ZCCHC4: variants seen among roughly 807,000 people sequenced by gnomAD.
The protein encoded by ZCCHC4 is rRNA N(6)-adenosine-methyltransferase ZCCHC4.
ZCCHC4 carries 54 observed loss-of-function variants against 67.7 expected under a neutral mutation model. The ratio of observed to expected loss-of-function variants is 0.80; its 90% CI spans 0.64 to 1.00. ZCCHC4 has a LOEUF of 1.00. Among genes scored for constraint, ZCCHC4 ranks in the 50% least tolerant of loss-of-function variants. The probability of loss-of-function intolerance (pLI) is 0.00; values close to 1 mark genes in which losing one functional copy is unlikely to be tolerated. For synonymous variants in ZCCHC4, 198 were observed against 213.5 expected (o/e 0.93, Z 0.63); for missense variants, 609 against 617.0 (o/e 0.99, Z 0.14).
At position 25,352,376 on chromosome 4, in the gene ZCCHC4, C is replaced by T. The variant is rs1033881293; in HGVS notation, c.1011+687C>T. 27 of 985,278 alleles carry T rather than the reference C, an allele frequency of 2.7e-5. No homozygotes were observed. The African/African-American group carries it at 4.0e-4, about 15-fold the overall frequency. The allele number at this position is 985,278 out of a possible 1,614,324, so 61.0% of individuals were successfully genotyped here. Reference sequence around the variant, plus strand: ...TTGTGTTTGAAGTTAACCCTGTTGTCGCCATCACTGTTTATGGTCTTCAGG... The same window carrying T: ...TTGTGTTTGAAGTTAACCCTGTTGTTGCCATCACTGTTTATGGTCTTCAGG... On this transcript the variant is annotated intron_variant, in intron 8 of 12. Coordinates refer to ENST00000302874, the MANE Select transcript of ZCCHC4 (RefSeq NM_024936.3).
intron 3 of ZCCHC4, among the ~76,000 whole-genome samples, chr4:25,332,538 A>T (rs1256199750): frequency 6.6e-6 from 1 of 152,094 alleles, no homozygotes; most frequent in Non-Finnish European, 1.5e-5. Flanking sequence ...TAATAAAATT[A>T]AAAAAGAAAG....
intron 10 of ZCCHC4, among the ~76,000 whole-genome samples, chr4:25,363,622 A>G (rs1720837584): frequency 1.3e-5 from 2 of 152,262 alleles, no homozygotes; most frequent in Admixed American, 6.5e-5. Flanking sequence ...TCTTGATTAT[A>G]TAATGGTATT....
In ZCCHC4 at chr4:25,312,779, G is replaced by C. The variant is rs1283999433; in HGVS notation, c.-31G>C. ...CGCTCTTTCTCAGCATTCTTGTTTCGTACTGAGGCTTTCGGGACGGCGGCG... is the reference window on the plus strand; with the variant it reads ...CGCTCTTTCTCAGCATTCTTGTTTCCTACTGAGGCTTTCGGGACGGCGGCG... On this transcript the variant is annotated 5_prime_UTR_variant, in exon 1 of 13. Transcript: ENST00000302874. 2 of 1,612,508 alleles carry C rather than the reference G, an allele frequency of 1.2e-6. No homozygotes were observed. The highest frequency in any genetic ancestry group is 1.7e-5 in the Admixed American group (1 of 60,012).
At position 25,369,052 on chromosome 4, in the gene ZCCHC4, G is replaced by A. The variant is rs777822901; in HGVS notation, c.1430G>A (p.Arg477Lys). Residue 477 changes from arginine (R) to lysine (K), a missense_variant, in exon 13 of 13, where the codon AGA becomes AAA. By Grantham distance (26) the Arg-to-Lys change is conservative (BLOSUM62 2). Transcript: ENST00000302874. ...ANKAVRKQKQRKSNKMKMETT... is the reference protein window; with the variant it reads ...ANKAVRKQKQKKSNKMKMETT... The stretch of plus-strand genomic sequence containing the variant: ...AGAGCTGTCAGAAAGCAGAAGCAAA[G>A]AAAAAGTAATAAGATGAAAATGGAG... The A allele has an allele frequency of 4.3e-6, 7 of 1,611,160 alleles. No homozygotes were observed. Among genetic ancestry groups the A allele is most frequent in the Non-Finnish European group, 5.9e-6 (7 of 1,179,310 alleles).
intron 12 of ZCCHC4, 196 bp downstream of exon 12, chr4:25,365,362 T>G: frequency 7.2e-7 from 1 of 1,382,080 alleles, no homozygotes; most frequent in Non-Finnish European, 9.3e-7. Flanking sequence ...GAGCTTACAG[T>G]TCTACAGCTT....
intron 5 of ZCCHC4, among the ~76,000 whole-genome samples, chr4:25,336,005 C>T (rs1719440015): frequency 2.6e-5 from 4 of 151,998 alleles, no homozygotes; most frequent in South Asian, 2.1e-4. Flanking sequence ...AAGATAAACT[C>T]GATTTATTTT....
intron 5 of ZCCHC4, among the ~76,000 whole-genome samples, chr4:25,336,286 G>A (rs1719453719): frequency 6.6e-6 from 1 of 152,114 alleles, no homozygotes; most frequent in African/African-American, 2.4e-5. Context: ...TGTTTTCAAG[G>A]CTCACCCATG....
intron 5 of ZCCHC4, among the ~76,000 whole-genome samples, chr4:25,342,365 G>A (rs1044315503): frequency 6.6e-5 from 10 of 152,156 alleles, no homozygotes; most frequent in Admixed American, 2.6e-4. Context: ...TCCAAGGTTG[G>A]AGAACAGCCT....
intron 3 of ZCCHC4, among the ~76,000 whole-genome samples, chr4:25,324,014 G>GTTTTTGTTTTTTTT (rs1718723948): frequency 1.2e-5 from 1 of 82,448 alleles, no homozygotes; most frequent in Non-Finnish European, 2.1e-5. Flanking sequence ...TGTTTTTTGT[G>GTTTTTGTTTTTTTT]TTTTTTTTTT....
At chr4:25,346,400 C>G (rs1296950674) in intron 6 of ZCCHC4, among the ~76,000 whole-genome samples, 1 of 152,040 alleles carries the variant, frequency 6.6e-6, no homozygotes, top group Non-Finnish European at 1.5e-5. Flanking sequence ...TCACGCTGGC[C>G]AAAAATATTG....
Position 25,365,212 on chromosome 4 carries a change from A to T in ZCCHC4, c.1406+46A>T, listed in dbSNP as rs1377160832. The T allele has an allele frequency of 2.5e-6, 4 of 1,606,188 alleles. No individual in the cohort carries two copies. The East Asian group carries it at 6.7e-5, about 27-fold the overall frequency. On this transcript the variant is annotated intron_variant, in intron 12 of 12. Transcript: ENST00000302874. ...GAAAAATGTATTCCATCTGTGTTTTATACAGGATAATCCACAAAAGCATGC... is the reference window on the plus strand; with the variant it reads ...GAAAAATGTATTCCATCTGTGTTTTTTACAGGATAATCCACAAAAGCATGC...
chr4:25,319,117 C>G (rs1465306188), intron 3 of ZCCHC4, among the ~76,000 whole-genome samples: 1 of 152,214 alleles, frequency 6.6e-6, no homozygotes. Flanking sequence ...GGTGCGGTGG[C>G]TCACGCCTGT....
At chr4:25,316,726 T>C (rs10025025) in intron 3 of ZCCHC4, among the ~76,000 whole-genome samples, 66,783 of 152,046 alleles carry the variant, frequency 0.44, 16,513 homozygotes, top group Non-Finnish European at 0.56. Flanking sequence ...CTTTGCCAAA[T>C]ATATGATTTG....
At chr4:25,323,074 G>A (rs914094467) in intron 3 of ZCCHC4, among the ~76,000 whole-genome samples, 11 of 152,230 alleles carry the variant, frequency 7.2e-5, no homozygotes, top group Admixed American at 2.6e-4. Flanking sequence ...GATTAATCAC[G>A]TGTTCAGGTA....
chr4:25,336,944 A>G (rs7682435), intron 5 of ZCCHC4, among the ~76,000 whole-genome samples: 65,352 of 152,120 alleles, frequency 0.43, 16,179 homozygotes, highest in Non-Finnish European at 0.56. Flanking sequence ...ATCACAGTTT[A>G]TAAGTGGCCA....
intron 1 of ZCCHC4, 62 bp downstream of exon 1, chr4:25,312,998 G>A (rs557250671): frequency 1.3e-6 from 2 of 1,587,078 alleles, no homozygotes; most frequent in African/African-American, 1.3e-5. Context: ...TGGCTTGGAA[G>A]TGGCTTTTGG....
At chr4:25,358,429 C>A (rs1030604754) in intron 8 of ZCCHC4, among the ~76,000 whole-genome samples, 3 of 152,082 alleles carry the variant, frequency 2.0e-5, no homozygotes, top group African/African-American at 7.2e-5. Context: ...TTTTTTAATG[C>A]CAAAAGCTAA....
At position 25,315,377 on chromosome 4, in the gene ZCCHC4, G is replaced by C. The variant is rs757043103; in HGVS notation, c.306G>C (p.Leu102=). ...EAHNRRCQPP[L]SRTQCVERYL... is the part of the protein sequence containing the mutation. ...ATAACCGAAGATGTCAGCCTCCCCT[G>C]TCCCGAACGCAGTGTGTGGAAAGGT... Residue 102 remains leucine (L), a synonymous_variant, in exon 3 of 13, where the codon CTG becomes CTC. Transcript: ENST00000302874. 1.2e-6 allele frequency: 2 copies of C among 1,612,812 alleles called. No homozygotes were observed. The highest frequency in any genetic ancestry group is 1.7e-6 in the Non-Finnish European group (2 of 1,179,310).
At position 25,333,464 on chromosome 4, in the gene ZCCHC4, T is replaced by C; in HGVS notation, c.605+6T>C. Reference sequence around the variant, plus strand: ...CTGTGTGTTGGAACACCAAGGTATGTCATGTGATTTTTTAAAGAATTATCT... The same window carrying C: ...CTGTGTGTTGGAACACCAAGGTATGCCATGTGATTTTTTAAAGAATTATCT... On this transcript the variant is annotated splice_donor_region_variant and intron_variant, in intron 4 of 12. Coordinates refer to ENST00000302874, the MANE Select transcript of ZCCHC4 (RefSeq NM_024936.3). The C allele has an allele frequency of 8.7e-6, 14 of 1,612,392 alleles. No individual in the cohort carries two copies. Among genetic ancestry groups the C allele is most frequent in the Non-Finnish European group, 1.2e-5 (14 of 1,179,042 alleles).
Sources: gnomAD v4.1 joint callset for allele counts (sites outside exome capture counted in the v4.1 genomes callset) on GRCh38, gnomAD v4.1.1 for gene constraint, MANE v1.5 for transcripts, NCBI Gene and HGNC (gene_info 2026-07-23, HGNC 2026-07-21) for gene names.